The following MGA variants were observed in gnomAD, a reference collection of about 807,000 sequenced individuals.
MGA encodes MAX dimerization protein MGA.
MGA carries 40 observed loss-of-function variants against 261.1 expected under a neutral mutation model. The observed-to-expected ratio is 0.15, with a 90% CI of 0.12 to 0.20. The LOEUF (loss-of-function observed/expected upper bound fraction) is 0.20. Ranked by LOEUF, MGA falls within the 10% of genes least tolerant of loss-of-function variation. The probability of loss-of-function intolerance (pLI) is 1.00; values close to 1 mark genes in which losing one functional copy is unlikely to be tolerated. For missense variants in MGA, 3,397 were observed against 3,630.5 expected (o/e 0.94, Z 1.65); for synonymous variants, 1,302 against 1,290.6 (o/e 1.01, Z -0.19).
At chr15:41,672,046 C>T (rs1008027389) in intron 2 of MGA, among the ~76,000 whole-genome samples, 1 of 152,172 alleles carries the variant, frequency 6.6e-6, no homozygotes, top group Non-Finnish European at 1.5e-5. Context: ...TATATTTTTA[C>T]CCTTGTTATC....
At chr15:41,704,093 A>G (rs2059989941) in intron 5 of MGA, among the ~76,000 whole-genome samples, 1 of 152,206 alleles carries the variant, frequency 6.6e-6, no homozygotes, top group African/African-American at 2.4e-5. Flanking sequence ...GATTATAGGC[A>G]TGAGCCATTA....
intron 5 of MGA, among the ~76,000 whole-genome samples, chr15:41,699,501 G>GTA (rs2059724081): frequency 6.6e-6 from 1 of 152,034 alleles, no homozygotes; most frequent in Non-Finnish European, 1.5e-5. Context: ...TTATGTGTGT[G>GTA]TGTGTGTGTT....
rs375793221 is a variant in MGA at position 41,632,544 on chromosome 15, C to G, written c.-68+11246C>G. On this transcript the variant is annotated intron_variant, in intron 1 of 8. Transcript: ENST00000566718. ...GATCCAGGGCTAAAATTTGCCTCAG[C>G]ATACCTTACCGAAATGGTTAAGTTT... Among the ~76,000 whole-genome samples the G allele has an allele frequency of 2.4e-4, 36 of 152,284 alleles. No individual in the cohort carries two copies. In the South Asian group the frequency reaches 6.2e-3, roughly 26 times the overall value.
Position 41,668,866 on chromosome 15 carries a change from G to A in MGA, c.-29G>A, listed in dbSNP as rs1566951320. 1.3e-6 allele frequency: 2 copies of A among 1,497,484 alleles called. No homozygotes were observed. The highest frequency in any genetic ancestry group is 1.8e-6 in the Non-Finnish European group (2 of 1,111,008). 92.8% of individuals were successfully genotyped at this position (1,497,484 alleles called of 1,614,324 possible). ...TTGTGACTATGTGGTGATTACAGTTGTCTTACTACTGAGTTTCCTACTGAA... is the reference window on the plus strand; with the variant it reads ...TTGTGACTATGTGGTGATTACAGTTATCTTACTACTGAGTTTCCTACTGAA... On this transcript the variant is annotated 5_prime_UTR_variant, in exon 2 of 24. Coordinates refer to ENST00000219905, the MANE Select transcript of MGA (RefSeq NM_001164273.2).
chr15:41,662,020 TG>T (rs2057438443), intron 1 of MGA, among the ~76,000 whole-genome samples: 1 of 151,890 alleles, frequency 6.6e-6, no homozygotes, highest in African/African-American at 2.4e-5. Context: ...CGGCGGTTTG[TG>T]GGTCATTAAT....
At chr15:41,754,905 C>T (rs1050122279) in intron 18 of MGA, among the ~76,000 whole-genome samples, 67 of 152,128 alleles carry the variant, frequency 4.4e-4, no homozygotes, top group Non-Finnish European at 9.0e-4. Context: ...GAGGAAAATG[C>T]CCCCATTTGA....
At chr15:41,681,388 T>C (rs907112976) in intron 2 of MGA, among the ~76,000 whole-genome samples, 1 of 149,000 alleles carries the variant, frequency 6.7e-6, no homozygotes, top group Non-Finnish European at 1.5e-5. Context: ...TAAATCCTTG[T>C]AGTATACTCT....
chr15:41,716,348 G>A (rs939910077), intron 9 of MGA, among the ~76,000 whole-genome samples: 25 of 152,102 alleles, frequency 1.6e-4, no homozygotes, highest in South Asian at 2.1e-4. Flanking sequence ...CAGCTACTCC[G>A]GAGGCTGAGG....
chr15:41,637,624 GGAA>G (rs2056736852), intron 1 of MGA, among the ~76,000 whole-genome samples: 1 of 152,102 alleles, frequency 6.6e-6, no homozygotes, highest in Non-Finnish European at 1.5e-5. Flanking sequence ...CAGGTTGAGG[GGAA>G]TGTGGTGACA....
At chr15:41,676,927 T>G (rs1244262092) in intron 2 of MGA, among the ~76,000 whole-genome samples, 1 of 152,230 alleles carries the variant, frequency 6.6e-6, no homozygotes, top group Non-Finnish European at 1.5e-5. Context: ...GTTTCCCAGC[T>G]GCTTTCCCCC....
intron 1 of MGA, among the ~76,000 whole-genome samples, chr15:41,623,222 GGAAGA>G (rs2056352065): frequency 1.3e-5 from 2 of 152,196 alleles, no homozygotes; most frequent in South Asian, 2.1e-4. Flanking sequence ...GAAACTTCTT[GGAAGA>G]GAAGAATGAG....
intron 2 of MGA, among the ~76,000 whole-genome samples, chr15:41,681,039 T>G (rs755764474): frequency 1.2e-4 from 18 of 152,186 alleles, no homozygotes; most frequent in Non-Finnish European, 2.4e-4. Flanking sequence ...TGACAGTCCC[T>G]TCTGTCACTC....
intron 2 of MGA, 125 bp downstream of exon 2, chr15:41,670,083 A>G (rs187158085): frequency 1.3e-5 from 10 of 745,348 alleles, no homozygotes; most frequent in South Asian, 2.0e-5. Context: ...TATAAAATAT[A>G]CTACAACTGC....
rs61736070 is a variant in MGA at position 41,742,649 on chromosome 15, A to G, written c.4689A>G (p.Ala1563=). 32 of 1,613,874 alleles carry G rather than the reference A, an allele frequency of 2.0e-5. No homozygotes were observed. In the African/African-American group the frequency reaches 3.9e-4, roughly 20 times the overall value. The change falls in exon 15 of 24, where the codon GCA becomes GCG. Residue 1563 remains alanine, a synonymous_variant. Coordinates refer to ENST00000219905, the MANE Select transcript of MGA (RefSeq NM_001164273.2). ...GAGTTAGCACACCCCAAACCCTGGC[A>G]GGGACACAGAAGTTCAGTATCAGAC...
At chr15:41,754,793 G>A (rs2063051412) in intron 18 of MGA, among the ~76,000 whole-genome samples, 1 of 152,146 alleles carries the variant, frequency 6.6e-6, no homozygotes, top group African/African-American at 2.4e-5. Context: ...TTTGGAGCCC[G>A]ATAGACTGGT....
At chr15:41,678,077 CA>C (rs1384950911) in intron 2 of MGA, among the ~76,000 whole-genome samples, 1 of 151,322 alleles carries the variant, frequency 6.6e-6, no homozygotes. Flanking sequence ...TTTAGGTCTG[CA>C]ATCAATTTTG....
At chr15:41,698,445 G>C (rs1306446835) in intron 3 of MGA, among the ~76,000 whole-genome samples, 1 of 152,148 alleles carries the variant, frequency 6.6e-6, no homozygotes, top group African/African-American at 2.4e-5. Context: ...GATTATAGGC[G>C]TGAGCCACTG....
chr15:41,764,648 C>T (rs2063700728), intron 22 of MGA, among the ~76,000 whole-genome samples: 1 of 152,118 alleles, frequency 6.6e-6, no homozygotes, highest in Admixed American at 6.6e-5. Flanking sequence ...ATTCTCCCAC[C>T]TCAGCCTTCC....
intron 17 of MGA, 120 bp from the exon 18 acceptor site, chr15:41,754,317 A>G (rs2063019251): frequency 2.4e-6 from 2 of 820,008 alleles, no homozygotes; most frequent in Non-Finnish European, 3.7e-6. Flanking sequence ...GATTATCAGT[A>G]CTCATGATAT....
Sources: gnomAD v4.1 joint callset for allele counts (sites outside exome capture counted in the v4.1 genomes callset) on GRCh38, gnomAD v4.1.1 for gene constraint, MANE v1.5 for transcripts, NCBI Gene and HGNC (gene_info 2026-07-23, HGNC 2026-07-21) for gene names.